CACNG3: variants seen among roughly 807,000 people sequenced by gnomAD.
CACNG3 encodes calcium voltage-gated channel auxiliary subunit gamma 3.
In CACNG3, 3 loss-of-function variants were observed where a neutral mutation model predicts 28.5. The observed-to-expected ratio is 0.11, with a 90% CI of 0.05 to 0.27. The LOEUF is 0.27. Among genes scored for constraint, CACNG3 ranks in the 10% least tolerant of loss-of-function variants. CACNG3 has a pLI of 1.00. For synonymous variants in CACNG3, 174 were observed against 162.2 expected (o/e 1.07, Z -0.55); for missense variants, 236 against 414.4 (o/e 0.57, Z 3.74).
In CACNG3 at chr16:24,338,709, C is replaced by T. The variant is rs116539287; in HGVS notation, c.212-8025C>T. Among the ~76,000 whole-genome samples the T allele has an allele frequency of 7.0e-3, 1,062 of 152,266 alleles. 20 individuals are homozygous for T. Among genetic ancestry groups the T allele is most frequent in the African/African-American group, 0.023 (976 of 41,546 alleles). ...ATAGTCTCTCTCCTCAGTGAGAATG[C>T]AAGTTCTGAGGATCAAGACCGTCTC... On this transcript the variant is annotated intron_variant, in intron 1 of 3. Coordinates refer to ENST00000005284, the MANE Select transcript of CACNG3 (RefSeq NM_006539.4).
chr16:24,323,671 A>G (rs1899496640), intron 1 of CACNG3, among the ~76,000 whole-genome samples: 1 of 152,232 alleles, frequency 6.6e-6, no homozygotes, highest in African/African-American at 2.4e-5. Flanking sequence ...GTTGATACTA[A>G]TAAATATAAT....
chr16:24,328,573 A>C (rs1899589297), intron 1 of CACNG3, among the ~76,000 whole-genome samples: 2 of 151,716 alleles, frequency 1.3e-5, no homozygotes, highest in Non-Finnish European at 2.9e-5. Flanking sequence ...AGTCTAGGAA[A>C]TAAGAAGTCA....
Position 24,256,655 on chromosome 16 carries a change from G to C in CACNG3, c.-100G>C, listed in dbSNP as rs567328927. 41 of 779,010 alleles carry C rather than the reference G, an allele frequency of 5.3e-5. No homozygotes were observed. Among genetic ancestry groups the C allele is most frequent in the Non-Finnish European group, 7.9e-5 (35 of 444,172 alleles). 48.3% of individuals were successfully genotyped at this position (779,010 alleles called of 1,614,324 possible). On this transcript the variant is annotated 5_prime_UTR_variant, in exon 1 of 4. Coordinates refer to ENST00000005284, the MANE Select transcript of CACNG3 (RefSeq NM_006539.4). This position sits in a 1 kb window ranked among gnomAD's most constrained non-coding sequence, Gnocchi z 4.6. ...TGACAAAAGGAGACCTGAATTTTTG[G>C]AAGAGCCTGTACTAGGTTACCCGGC...
Position 24,322,094 on chromosome 16 carries a change from G to A in CACNG3, c.212-24640G>A, listed in dbSNP as rs576877919. Among the ~76,000 whole-genome samples the A allele has an allele frequency of 4.6e-5, 7 of 152,224 alleles. No homozygotes were observed. In the South Asian group the frequency reaches 1.5e-3, roughly 32 times the overall value. ...AAGTTATACAGCTAATTCAATGGGG[G>A]AACCTGAATTGGAAACCAGACAGGC... On this transcript the variant is annotated intron_variant, in intron 1 of 3. Transcript: ENST00000005284.
chr16:24,256,586 C>T lies in CACNG3; in HGVS notation c.-169C>T. The T allele has an allele frequency of 3.2e-6, 2 of 617,334 alleles. No homozygotes were observed. Among genetic ancestry groups the T allele is most frequent in the Non-Finnish European group, 2.9e-6 (1 of 344,540 alleles). 38.2% of individuals were successfully genotyped at this position (617,334 alleles called of 1,614,324 possible). ...AGGCGACCCAGGGAACTGGAGAGAG[C>T]TCCAGAAAGGAAATCCCAGCTTTCC... On this transcript the variant is annotated 5_prime_UTR_variant, in exon 1 of 4. Transcript: ENST00000005284. This position sits in a 1 kb window ranked among gnomAD's most constrained non-coding sequence, Gnocchi z 4.6.
intron 1 of CACNG3, among the ~76,000 whole-genome samples, chr16:24,275,728 T>C (rs1261819032): frequency 6.6e-6 from 1 of 152,248 alleles, no homozygotes; most frequent in Non-Finnish European, 1.5e-5. Context: ...GTGATAATTA[T>C]GATTTTGGAA....
intron 1 of CACNG3, among the ~76,000 whole-genome samples, chr16:24,315,302 G>A (rs767124255): frequency 6.6e-6 from 1 of 151,976 alleles, no homozygotes; most frequent in African/African-American, 2.4e-5. Context: ...GGTCTCCTCC[G>A]AATCCTAGGA....
intron 1 of CACNG3, among the ~76,000 whole-genome samples, chr16:24,317,626 G>GAAAAGA (rs1899383969): frequency 1.3e-4 from 6 of 46,308 alleles, no homozygotes; most frequent in South Asian, 7.1e-4. Context: ...AAGAAAGAAA[G>GAAAAGA]ACAGACAGAA....
intron 1 of CACNG3, among the ~76,000 whole-genome samples, chr16:24,288,489 A>G (rs571928880): frequency 6.6e-6 from 1 of 152,186 alleles, no homozygotes; most frequent in Non-Finnish European, 1.5e-5. Flanking sequence ...CAGTTATTCA[A>G]ATTTAAACAT....
chr16:24,332,044 G>A (rs1024303782), intron 1 of CACNG3, among the ~76,000 whole-genome samples: 1 of 151,970 alleles, frequency 6.6e-6, no homozygotes, highest in Non-Finnish European at 1.5e-5. Flanking sequence ...CTTTGTTTAC[G>A]CTAGATCTCT....
Position 24,275,790 on chromosome 16 carries a change from A to G in CACNG3, c.211+18825A>G, listed in dbSNP as rs1404494875. 3.3e-5 allele frequency among the ~76,000 whole-genome samples: 5 copies of G among 152,260 alleles called. No homozygotes were observed. The East Asian group carries it at 9.6e-4, about 29-fold the overall frequency. On this transcript the variant is annotated intron_variant, in intron 1 of 3. Transcript: ENST00000005284. ...ATTTGTTTTTACACTGTGTAATGAA[A>G]TGTGCCAAATTTAGAAGACCTGCAT...
At chr16:24,264,580 A>C (rs1454118136) in intron 1 of CACNG3, among the ~76,000 whole-genome samples, 1 of 152,234 alleles carries the variant, frequency 6.6e-6, no homozygotes, top group Non-Finnish European at 1.5e-5. Context: ...AGAAGCAGTG[A>C]CAGCAAACAA....
At chr16:24,317,832 C>T (rs1899404305) in intron 1 of CACNG3, among the ~76,000 whole-genome samples, 1 of 152,176 alleles carries the variant, frequency 6.6e-6, no homozygotes, top group Admixed American at 6.5e-5. Context: ...ACCCCCACTC[C>T]TAGGGATTCT....
At chr16:24,299,570 G>A (rs1308304360) in intron 1 of CACNG3, among the ~76,000 whole-genome samples, 1 of 152,164 alleles carries the variant, frequency 6.6e-6, no homozygotes, top group African/African-American at 2.4e-5. Flanking sequence ...TGCTGTTCCT[G>A]TCAATGTAAA....
rs1298070750 is a variant in CACNG3, at chr16:24,256,888, C to A, written c.134C>A (p.Thr45Lys). 1 of 1,613,844 alleles carries A rather than the reference C, an allele frequency of 6.2e-7. No homozygotes were observed. The highest frequency in any genetic ancestry group is 1.7e-5 in the Admixed American group (1 of 60,024). ...AGAGGTGTGTGCAGGACTAAATCTACAAGTGATAATGAAACCAGCAGGAAG... is the reference window on the plus strand; with the variant it reads ...AGAGGTGTGTGCAGGACTAAATCTAAAAGTGATAATGAAACCAGCAGGAAG... ...YSRGVCRTKSTSDNETSRKNE... is the reference protein window; with the variant it reads ...YSRGVCRTKSKSDNETSRKNE... Residue 45 changes from threonine to lysine, a missense_variant, in exon 1 of 4, where the codon ACA becomes AAA. Coordinates refer to ENST00000005284, the MANE Select transcript of CACNG3 (RefSeq NM_006539.4). The surrounding 1 kb of genome is among the most constrained non-coding windows in gnomAD (Gnocchi z 4.6).
intron 1 of CACNG3, among the ~76,000 whole-genome samples, chr16:24,273,048 C>A (rs1898709854): frequency 6.6e-6 from 1 of 152,078 alleles, no homozygotes; most frequent in South Asian, 2.1e-4. Flanking sequence ...TCTATGTGTC[C>A]ATGTGTTCTC....
In CACNG3 at chr16:24,256,498, A is replaced by C; in HGVS notation, c.-257A>C. ...CCTGAGGAATGAAAGGAACCCAGGG[A>C]CCCTCAGAAGGCAGCAGTGATGCGG... On this transcript the variant is annotated 5_prime_UTR_variant, in exon 1 of 4. Coordinates refer to ENST00000005284, the MANE Select transcript of CACNG3 (RefSeq NM_006539.4). This position sits in a 1 kb window ranked among gnomAD's most constrained non-coding sequence, Gnocchi z 4.6. 1 of 478,358 alleles carries C rather than the reference A, an allele frequency of 2.1e-6. No individual in the cohort carries two copies. The highest frequency in any genetic ancestry group is 3.8e-6 in the Non-Finnish European group (1 of 265,120). 29.6% of individuals were successfully genotyped at this position (478,358 alleles called of 1,614,324 possible).
At chr16:24,344,390 T>C (rs1038607761) in intron 1 of CACNG3, among the ~76,000 whole-genome samples, 2 of 144,336 alleles carry the variant, frequency 1.4e-5, no homozygotes, top group African/African-American at 5.2e-5. Context: ...ACCTGGGCAA[T>C]AGAGCAAGAC....
chr16:24,301,791 C>T (rs1018072227), intron 1 of CACNG3, among the ~76,000 whole-genome samples: 2 of 152,210 alleles, frequency 1.3e-5, no homozygotes, highest in Admixed American at 6.5e-5. Context: ...CAAGAGAGCA[C>T]TATTCTATTC....
Sources: gnomAD v4.1 joint callset for allele counts (sites outside exome capture counted in the v4.1 genomes callset) on GRCh38, gnomAD v4.1.1 for gene constraint, Gnocchi (gnomAD v3.1) non-coding constraint, MANE v1.5 for transcripts, NCBI Gene and HGNC (gene_info 2026-07-23, HGNC 2026-07-21) for gene names.